Variants in FAM186A observed in about 807,000 individuals in gnomAD.
FAM186A encodes family with sequence similarity 186 member A, also known as protein FAM186A.
In FAM186A, 163 loss-of-function variants were observed where a neutral mutation model predicts 216.8. The observed-to-expected ratio is 0.75, with a 90% CI of 0.66 to 0.86. FAM186A has a LOEUF of 0.86. FAM186A is among the 40% of genes least tolerant of loss of function. The pLI, the probability that FAM186A is intolerant of heterozygous loss-of-function variation, is 0.00. For synonymous variants in FAM186A, 805 were observed against 1,025.3 expected (o/e 0.79, Z 4.10); for missense variants, 2,184 against 2,746.2 (o/e 0.80, Z 4.58).
rs548982656 is a variant in FAM186A, at chr12:50,333,870, T to A, written c.6696+41A>T. ...TTTACAAAGCTTACCACTTTCATGT[T>A]TTTACAACATGCTGGACAGAGGGAG... On this transcript the variant is annotated intron_variant, in intron 5 of 7. Transcript: ENST00000327337. 4 of 1,511,018 alleles carry A rather than the reference T, an allele frequency of 2.6e-6. No individual in the cohort carries two copies. The African/African-American group carries it at 4.2e-5, about 16-fold the overall frequency. 93.6% of individuals were successfully genotyped at this position (1,511,018 alleles called of 1,614,324 possible).
intron 1 of FAM186A, among the ~76,000 whole-genome samples, chr12:50,395,193 C>T (rs1943402053): frequency 6.6e-6 from 1 of 152,166 alleles, no homozygotes; most frequent in African/African-American, 2.4e-5. Flanking sequence ...CTCCTGGGTT[C>T]AGGGGATCCT....
intron 1 of FAM186A, among the ~76,000 whole-genome samples, chr12:50,381,506 T>C (rs1943253233): frequency 6.6e-6 from 1 of 151,956 alleles, no homozygotes; most frequent in African/African-American, 2.4e-5. Context: ...GTTGCACCAC[T>C]GCACTCCAGC....
rs770567867 is a variant in FAM186A, at chr12:50,355,057, A to T, written c.1775T>A (p.Ile592Asn). ...TGGCTCAGCAGTATCATCAAATTGG[A>T]TCATACTGAGTGGCTCCACTAGGCT... ...IRSLVEPLSM[I>N]QFDDTAEPQK... Residue 592 changes from isoleucine (I) to asparagine (N), a missense_variant, in exon 4 of 8, where the codon ATC becomes AAC. Coordinates refer to ENST00000327337, the MANE Select transcript of FAM186A (RefSeq NM_001145475.3). 4.5e-6 allele frequency: 7 copies of T among 1,551,496 alleles called. No homozygotes were observed. Among genetic ancestry groups the T allele is most frequent in the Non-Finnish European group, 6.1e-6 (7 of 1,146,954 alleles).
At chr12:50,348,463 C>T (rs1942843055) in intron 4 of FAM186A, among the ~76,000 whole-genome samples, 1 of 152,184 alleles carries the variant, frequency 6.6e-6, no homozygotes, top group Admixed American at 6.5e-5. Context: ...CCTCAAGTAA[C>T]CCACCTGCCT....
At chr12:50,366,722 T>C (rs75067189) in intron 1 of FAM186A, among the ~76,000 whole-genome samples, 1 of 71,592 alleles carries the variant, frequency 1.4e-5, no homozygotes, top group Admixed American at 1.4e-4. Flanking sequence ...AAAAAAAAAA[T>C]ACACAAGAGG....
Position 50,353,945 on chromosome 12 carries a change from C to G in FAM186A, c.2887G>C (p.Glu963Gln). 1 of 1,553,804 alleles carries G rather than the reference C, an allele frequency of 6.4e-7. No homozygotes were observed. Among genetic ancestry groups the G allele is most frequent in the Non-Finnish European group, 8.7e-7 (1 of 1,148,222 alleles). The part of the protein sequence containing the change: ...AKHLGPHRRR[E>Q]KGKEKQKPER... ...GGCTTCTGCTTTTCCTTCCCTTTCT[C>G]CCTTCTCCTGTGTGGCCCCAAATGT... The change falls in exon 4 of 8, where the codon GAG (glutamate) becomes CAG (glutamine). Residue 963 changes from glutamate (E) to glutamine (Q), a missense_variant. Glu to Gln is a conservative substitution (Grantham distance 29). Around this residue, in one of 7 missense-constraint regions of FAM186A, gnomAD observed 1,132 missense variants for 1,263.4 expected, o/e 0.90. Transcript: ENST00000327337.
chr12:50,359,167 G>A (rs1286157469), intron 3 of FAM186A, among the ~76,000 whole-genome samples: 1 of 152,094 alleles, frequency 6.6e-6, no homozygotes, highest in Non-Finnish European at 1.5e-5. Context: ...GGGAGGCAGA[G>A]GCGGGTGGAT....
chr12:50,354,758 CA>C lies in FAM186A; in HGVS notation c.2073del (p.Phe691LeufsTer13), dbSNP rs1356801873. The C allele has an allele frequency of 1.3e-6, 2 of 1,537,656 alleles. No homozygotes were observed. Among genetic ancestry groups the C allele is most frequent in the Non-Finnish European group, 1.7e-6 (2 of 1,144,008 alleles). On this transcript the variant is annotated frameshift_variant, in exon 4 of 8. Coordinates refer to ENST00000327337, the MANE Select transcript of FAM186A (RefSeq NM_001145475.3). LOFTEE classifies it high-confidence loss of function. ...TCTTCCTTCGGAACAGTCTTTTTGT[CA>C]AAAGCCTTTCCTATGTTATCAATTT... ...KQKIDNIGKA[F>X]DKKTVPKEEE...
rs1942945081 is a variant in FAM186A, at chr12:50,354,131, C to A, written c.2701G>T (p.Ala901Ser). 4 of 1,551,752 alleles carry A rather than the reference C, an allele frequency of 2.6e-6. No individual in the cohort carries two copies. The highest frequency in any genetic ancestry group is 2.6e-6 in the Non-Finnish European group (3 of 1,147,012). ...TGCTTTTGCTTTTCCTCTTGCTCAG[C>A]CTGCTTTGGAGTTGCCTGTTTTTGC... ...EEQKQATPKQAEQEEKQKQRG... is the reference protein window; with the variant it reads ...EEQKQATPKQSEQEEKQKQRG... Residue 901 changes from alanine (A) to serine (S), a missense_variant, in exon 4 of 8, where the codon GCT becomes TCT. Ala to Ser is a moderately conservative substitution (Grantham distance 99). Around this residue, in one of 7 missense-constraint regions of FAM186A, gnomAD observed 1,132 missense variants for 1,263.4 expected, o/e 0.90. Transcript: ENST00000327337.
At chr12:50,383,883 GC>G (rs1272706440) in intron 1 of FAM186A, among the ~76,000 whole-genome samples, 2 of 152,132 alleles carry the variant, frequency 1.3e-5, no homozygotes, top group Non-Finnish European at 2.9e-5. Context: ...ACTTTGGGAG[GC>G]CGAGGCAGGC....
At chr12:50,378,269 G>A (rs1020460202) in intron 1 of FAM186A, among the ~76,000 whole-genome samples, 2 of 151,308 alleles carry the variant, frequency 1.3e-5, no homozygotes, top group African/African-American at 4.9e-5. Flanking sequence ...GGTGGCTCAC[G>A]CCTGTAATCC....
At position 50,355,376 on chromosome 12, in the gene FAM186A, A is replaced by G. The variant is rs1157404495; in HGVS notation, c.1456T>C (p.Ser486Pro). 3 of 1,551,198 alleles carry G rather than the reference A, an allele frequency of 1.9e-6. No homozygotes were observed. The highest frequency in any genetic ancestry group is 2.6e-6 in the Non-Finnish European group (3 of 1,146,980). Residue 486 changes from serine (S) to proline (P), a missense_variant, in exon 4 of 8, where the codon TCA (serine) becomes CCA (proline). Coordinates refer to ENST00000327337, the MANE Select transcript of FAM186A (RefSeq NM_001145475.3). Reference sequence around the variant, plus strand: ...TAGTATTGACTAGGTTTGGCCTCTGAGACTTTCTGTCCACTTTTATTATCA... The same window carrying G: ...TAGTATTGACTAGGTTTGGCCTCTGGGACTTTCTGTCCACTTTTATTATCA... ...LSDNKSGQKV[S>P]EAKPSQYYEL...
At chr12:50,371,868 A>G (rs1338332907) in intron 1 of FAM186A, among the ~76,000 whole-genome samples, 1 of 152,046 alleles carries the variant, frequency 6.6e-6, no homozygotes, top group Non-Finnish European at 1.5e-5. Flanking sequence ...GTTGGAGTGC[A>G]ATGGCATGAT....
At chr12:50,342,483 T>A (rs556138037) in intron 4 of FAM186A, among the ~76,000 whole-genome samples, 4 of 150,362 alleles carry the variant, frequency 2.7e-5, no homozygotes, top group African/African-American at 7.3e-5. Flanking sequence ...TTTTTTAAAA[T>A]TTTTTTTTAG....
At chr12:50,373,482 ATT>A (rs746013019) in intron 1 of FAM186A, among the ~76,000 whole-genome samples, 1 of 152,252 alleles carries the variant, frequency 6.6e-6, no homozygotes, top group Non-Finnish European at 1.5e-5. Context: ...TTCCTGACTC[ATT>A]CTTTGATGTC....
intron 3 of FAM186A, among the ~76,000 whole-genome samples, chr12:50,358,922 CAAA>C (rs71441361): frequency 8.4e-6 from 1 of 118,724 alleles, no homozygotes; most frequent in African/African-American, 3.3e-5. Context: ...GACTCTGTCT[CAAA>C]AAAAAAAAAA....
At chr12:50,372,475 T>A (rs1420043589) in intron 1 of FAM186A, among the ~76,000 whole-genome samples, 1 of 151,514 alleles carries the variant, frequency 6.6e-6, no homozygotes, top group Non-Finnish European at 1.5e-5. Context: ...GCACCTGTAA[T>A]CCCAGCTACT....
rs1242714005 is a variant in FAM186A, at chr12:50,353,626, A to G, written c.3206T>C (p.Leu1069Pro). 6.5e-7 allele frequency: 1 copy of G among 1,532,574 alleles called. No individual in the cohort carries two copies. Among genetic ancestry groups the G allele is most frequent in the Non-Finnish European group, 8.8e-7 (1 of 1,139,278 alleles). The allele number at this position is 1,532,574 out of a possible 1,614,324, so 94.9% of individuals were successfully genotyped here. ...AGGTGTGAGATGAATGCATTTAGTGAGAGGCTGGCCAGAAATAGGAAGAGC... is the reference window on the plus strand; with the variant it reads ...AGGTGTGAGATGAATGCATTTAGTGGGAGGCTGGCCAGAAATAGGAAGAGC... ...PGALPISGQP[L>P]TKCIHLTPQQ... The change falls in exon 4 of 8, where the codon CTC (leucine) becomes CCC (proline). Residue 1069 changes from leucine to proline, a missense_variant. Physicochemically the swap from Leu to Pro is moderately conservative, Grantham distance 98. Transcript: ENST00000327337.
At chr12:50,332,832 A>G (rs1489728088) in intron 5 of FAM186A, among the ~76,000 whole-genome samples, 1 of 152,152 alleles carries the variant, frequency 6.6e-6, no homozygotes, top group African/African-American at 2.4e-5. Context: ...GTCCAAGACC[A>G]GCCTGGCCAA....
Sources: allele counts gnomAD v4.1 joint callset (sites outside exome capture counted in the v4.1 genomes callset), GRCh38; gene constraint gnomAD v4.1.1; regional missense constraint gnomAD v4.1.1; transcripts MANE v1.5; gene names NCBI Gene and HGNC (gene_info 2026-07-23, HGNC 2026-07-21).